TMEM132B: variants seen among roughly 807,000 people sequenced by gnomAD.
The protein encoded by TMEM132B is transmembrane protein 132B.
In TMEM132B, 18 loss-of-function variants were observed where a neutral mutation model predicts 90.8. That is an observed-to-expected ratio of 0.20 (90% CI 0.14 to 0.29). The LOEUF is 0.29. TMEM132B is among the 10% of genes least tolerant of loss of function. The pLI, the probability that TMEM132B is intolerant of heterozygous loss-of-function variation, is 1.00. For missense variants in TMEM132B, 1,096 were observed against 1,326.8 expected, an observed-to-expected ratio of 0.83 and a Z score of 2.70; for synonymous variants, 504 against 523.3, an observed-to-expected ratio of 0.96 and a Z score of 0.50.
intron 2 of TMEM132B, among the ~76,000 whole-genome samples, chr12:125,399,872 T>C (rs1879267313): frequency 6.7e-6 from 1 of 150,024 alleles, no homozygotes; most frequent in African/African-American, 2.5e-5. Context: ...GGAAACAACA[T>C]AACGACTGTC....
intron 3 of TMEM132B, among the ~76,000 whole-genome samples, chr12:125,486,541 G>T (rs1242373519): frequency 6.6e-6 from 1 of 152,138 alleles, no homozygotes; most frequent in Non-Finnish European, 1.5e-5. Flanking sequence ...AAGGAACAGG[G>T]GCTCTCAGTG....
chr12:125,500,334 C>G (rs1882666105), intron 3 of TMEM132B, among the ~76,000 whole-genome samples: 1 of 152,212 alleles, frequency 6.6e-6, no homozygotes, highest in Non-Finnish European at 1.5e-5. Context: ...CTACAAATCT[C>G]TGGGCATTGT....
intron 4 of TMEM132B, among the ~76,000 whole-genome samples, chr12:125,522,579 G>C (rs1291313447): frequency 6.6e-6 from 1 of 152,234 alleles, no homozygotes; most frequent in African/African-American, 2.4e-5. Flanking sequence ...AGTAGAGCTT[G>C]ATGGGAATCT....
intron 5 of TMEM132B, among the ~76,000 whole-genome samples, chr12:125,597,129 C>A (rs1885457677): frequency 6.6e-6 from 1 of 152,182 alleles, no homozygotes; most frequent in Admixed American, 6.5e-5. Flanking sequence ...ATAAAGAAGA[C>A]AGCATATTTA....
chr12:125,234,734 T>TGTCA (rs1873895256), intron 1 of TMEM132B, among the ~76,000 whole-genome samples: 2 of 152,332 alleles, frequency 1.3e-5, no homozygotes, highest in South Asian at 4.1e-4. Context: ...AGGTTCTGTG[T>TGTCA]GTCACCAGAC....
Position 125,645,247 on chromosome 12 carries a change from C to T in TMEM132B, c.1643+966C>T, listed in dbSNP as rs544782550. On this transcript the variant is annotated intron_variant, in intron 6 of 8. Coordinates refer to ENST00000682704, the MANE Select transcript of TMEM132B (RefSeq NM_001366854.1). ...AAAAAAAAAAAAAAAAAAAAGTCTC[C>T]CTCCCCATGATCCCCATCTCCTGCT... is the stretch of plus-strand genomic sequence containing the variant. Among the ~76,000 whole-genome samples the T allele has an allele frequency of 1.2e-3, 189 of 151,474 alleles. 1 individual carries two copies. The highest frequency in any genetic ancestry group is 4.1e-3 in the African/African-American group (171 of 41,412).
chr12:125,486,300 T>C (rs1411813622), intron 3 of TMEM132B, among the ~76,000 whole-genome samples: 3 of 152,222 alleles, frequency 2.0e-5, no homozygotes, highest in Admixed American at 6.5e-5. Context: ...GTTATAGTAT[T>C]AGTGCCCCAT....
At position 125,533,559 on chromosome 12, in the gene TMEM132B, A is replaced by G. The variant is rs558250227; in HGVS notation, c.1293+13934A>G. On this transcript the variant is annotated intron_variant, in intron 4 of 8. Transcript: ENST00000682704. ...GGCTTTACTTTGACAAGGGGTCGCG[A>G]TGGCATTTTGATTGGCATCCGCCTC... is the stretch of plus-strand genomic sequence containing the variant. Among the ~76,000 whole-genome samples, 7 of 152,336 alleles carry G rather than the reference A, an allele frequency of 4.6e-5. No individual in the cohort carries two copies. In the East Asian group the frequency reaches 1.2e-3, roughly 25 times the overall value.
intron 4 of TMEM132B, among the ~76,000 whole-genome samples, chr12:125,524,614 C>T (rs1386142659): frequency 2.6e-5 from 4 of 152,208 alleles, no homozygotes; most frequent in Non-Finnish European, 5.9e-5. Flanking sequence ...AGTGTTTGCC[C>T]ATTGGCCTGG....
At chr12:125,210,036 AC>A (rs1873285330) in intron 1 of TMEM132B, among the ~76,000 whole-genome samples, 1 of 152,216 alleles carries the variant, frequency 6.6e-6, no homozygotes, top group Admixed American at 6.5e-5. Flanking sequence ...AACAAGGCCA[AC>A]AAAAATCTCA....
intron 3 of TMEM132B, among the ~76,000 whole-genome samples, chr12:125,503,230 C>T (rs1009242435): frequency 1.2e-4 from 19 of 152,180 alleles, no homozygotes; most frequent in East Asian, 5.8e-4. Context: ...CTCCCCTCCC[C>T]GGGCTGTGCT....
intron 4 of TMEM132B, among the ~76,000 whole-genome samples, chr12:125,537,853 G>A (rs1182080378): frequency 1.3e-5 from 2 of 152,174 alleles, no homozygotes; most frequent in South Asian, 2.1e-4. Context: ...CCTGGGGCAA[G>A]TCCCTGGATG....
At chr12:125,220,860 G>T (rs900430128) in intron 1 of TMEM132B, among the ~76,000 whole-genome samples, 3 of 152,204 alleles carry the variant, frequency 2.0e-5, no homozygotes, top group Admixed American at 6.5e-5. Flanking sequence ...CCACAGTCCT[G>T]AGCTTGGCCC....
At position 125,407,653 on chromosome 12, in the gene TMEM132B, A is replaced by C. The variant is rs115506751; in HGVS notation, c.960-7878A>C. On this transcript the variant is annotated intron_variant, in intron 2 of 8. Transcript: ENST00000682704. The surrounding 1 kb of genome is among the most constrained non-coding windows in gnomAD (Gnocchi z 6.7). ...CATCTGGACTCAGACTCTTTCCAGCATCCAGTCCTCCATCACAGACAAGGC... is the reference window on the plus strand; with the variant it reads ...CATCTGGACTCAGACTCTTTCCAGCCTCCAGTCCTCCATCACAGACAAGGC... 9.0e-3 allele frequency among the ~76,000 whole-genome samples: 1,366 copies of C among 152,324 alleles called. 19 individuals are homozygous for C. The highest frequency in any genetic ancestry group is 0.031 in the African/African-American group (1,285 of 41,570).
chr12:125,562,703 A>G (rs1161189730), intron 4 of TMEM132B, among the ~76,000 whole-genome samples: 2 of 152,106 alleles, frequency 1.3e-5, no homozygotes, highest in Non-Finnish European at 1.5e-5. Context: ...ACCCCATACT[A>G]TTCTCATGGT....
intron 1 of TMEM132B, among the ~76,000 whole-genome samples, chr12:125,276,643 C>G (rs1281337093): frequency 6.6e-6 from 1 of 152,124 alleles, no homozygotes; most frequent in Non-Finnish European, 1.5e-5. Context: ...GTGAGTCCCT[C>G]GTGCCTTTGG....
intron 1 of TMEM132B, among the ~76,000 whole-genome samples, chr12:125,261,898 A>G (rs1042625266): frequency 3.3e-5 from 5 of 152,184 alleles, no homozygotes; most frequent in African/African-American, 1.2e-4. Context: ...TGGTGAAATC[A>G]TAGCTCACTG....
chr12:125,289,965 T>C (rs565877153), intron 1 of TMEM132B, among the ~76,000 whole-genome samples: 1 of 152,272 alleles, frequency 6.6e-6, no homozygotes, highest in East Asian at 1.9e-4. Context: ...CGCTCTTCAA[T>C]CCCCCAATTA....
chr12:125,504,945 G>A (rs2345233), intron 3 of TMEM132B, among the ~76,000 whole-genome samples: 19,929 of 151,792 alleles, frequency 0.13, 1,628 homozygotes, highest in Admixed American at 0.28. Flanking sequence ...TACAATCTCT[G>A]CCCAAATCTA....
Sources: allele counts gnomAD v4.1 joint callset (sites outside exome capture counted in the v4.1 genomes callset), GRCh38; gene constraint gnomAD v4.1.1; non-coding constraint Gnocchi (gnomAD v3.1); transcripts MANE v1.5; gene names NCBI Gene and HGNC (gene_info 2026-07-23, HGNC 2026-07-21).